AADACL2: variants seen among roughly 807,000 people sequenced by gnomAD.
The protein encoded by AADACL2 is arylacetamide deacetylase like 2.
Under a neutral mutation model 22.3 loss-of-function variants are expected in AADACL2, and 23 were observed. That is an observed-to-expected ratio of 1.03 (90% CI 0.74 to 1.46). AADACL2 has a LOEUF of 1.46. AADACL2 is among the 40% of genes most tolerant of loss of function. The pLI, the probability that AADACL2 is intolerant of heterozygous loss-of-function variation, is 0.00. For synonymous variants in AADACL2, 177 were observed against 166.2 expected, an observed-to-expected ratio of 1.07 and a Z score of -0.50; for missense variants, 472 against 482.9, an observed-to-expected ratio of 0.98 and a Z score of 0.21.
At position 151,740,695 on chromosome 3, in the gene AADACL2, C is replaced by T. The variant is rs1713250834; in HGVS notation, c.188C>T (p.Ser63Phe). ...ATTATGAGATATGAAGAGTTTATAT[C>T]CATGATATTCAGGCTGGATTATACC... is the stretch of plus-strand genomic sequence containing the variant. The part of the protein sequence containing the change: ...MRIMRYEEFI[S>F]MIFRLDYTQP... The change falls in exon 2 of 5, where the codon TCC becomes TTC. Residue 63 changes from serine to phenylalanine, a missense_variant. Around this residue, in one of 3 missense-constraint regions of AADACL2, gnomAD observed 356 missense variants for 365.5 expected, o/e 0.97. Coordinates refer to ENST00000356517, the MANE Select transcript of AADACL2 (RefSeq NM_207365.4). 8 of 1,613,674 alleles carry T rather than the reference C, an allele frequency of 5.0e-6. No homozygotes were observed. The highest frequency in any genetic ancestry group is 6.8e-6 in the Non-Finnish European group (8 of 1,179,806).
chr3:151,754,555 C>A (rs1330509080), intron 4 of AADACL2, among the ~76,000 whole-genome samples: 1 of 152,052 alleles, frequency 6.6e-6, no homozygotes. Flanking sequence ...CAAATGCATA[C>A]TATCCATTGT....
intron 1 of AADACL2, among the ~76,000 whole-genome samples, chr3:151,735,390 C>T (rs994379822): frequency 6.6e-6 from 1 of 152,178 alleles, no homozygotes; most frequent in East Asian, 1.9e-4. Context: ...GCATAAGATG[C>T]TGGTTTAAAT....
intron 4 of AADACL2, among the ~76,000 whole-genome samples, chr3:151,747,282 G>A (rs536100649): frequency 1.6e-4 from 25 of 151,952 alleles, no homozygotes; most frequent in African/African-American, 5.3e-4. Flanking sequence ...AGCAAATTTC[G>A]AGTACGCAGT....
chr3:151,736,809 G>A (rs1268971804), intron 1 of AADACL2, among the ~76,000 whole-genome samples: 4 of 152,146 alleles, frequency 2.6e-5, no homozygotes, highest in Admixed American at 2.6e-4. Flanking sequence ...CATTACAGTA[G>A]AAATATTCAT....
intron 1 of AADACL2, among the ~76,000 whole-genome samples, chr3:151,739,433 A>G (rs954596574): frequency 1.3e-5 from 2 of 151,954 alleles, no homozygotes; most frequent in Non-Finnish European, 2.9e-5. Flanking sequence ...GTGTCTGTTG[A>G]CCCTTGCTGG....
At chr3:151,743,163 T>G (rs1350448784) in intron 2 of AADACL2, among the ~76,000 whole-genome samples, 5 of 151,990 alleles carry the variant, frequency 3.3e-5, no homozygotes, top group African/African-American at 1.2e-4. Context: ...AATAAAACAT[T>G]ATTTTTTTCT....
chr3:151,746,941 T>C (rs1355094000), intron 4 of AADACL2, among the ~76,000 whole-genome samples: 1 of 151,322 alleles, frequency 6.6e-6, no homozygotes, highest in Non-Finnish European at 1.5e-5. Context: ...TTTTGCTCCA[T>C]CACCCAAGCT....
In AADACL2 at chr3:151,746,358, T is replaced by G. The variant is rs563500069; in HGVS notation, c.603+678T>G. Among the ~76,000 whole-genome samples the G allele has an allele frequency of 8.2e-3, 914 of 111,258 alleles. 10 individuals carry two copies. The highest frequency in any genetic ancestry group is 0.027 in the African/African-American group (881 of 32,582). The allele number at this position is 111,258 out of a possible 152,430, so 73.0% of individuals were successfully genotyped here. A position where few individuals can be genotyped will look rare whatever the true frequency, so the allele number is the denominator to read the frequency against. Reference sequence around the variant, plus strand: ...CACTTATAACGCTAGTGTTCTGTGTTTTTTTTGTTTTTTTTTTTTTTAGTT... The same window carrying G: ...CACTTATAACGCTAGTGTTCTGTGTGTTTTTTGTTTTTTTTTTTTTTAGTT... On this transcript the variant is annotated intron_variant, in intron 4 of 4. Transcript: ENST00000356517.
intron 3 of AADACL2, among the ~76,000 whole-genome samples, chr3:151,744,764 C>G (rs983722857): frequency 2.6e-5 from 4 of 151,892 alleles, no homozygotes; most frequent in Non-Finnish European, 4.4e-5. Flanking sequence ...TTCTAAGAAC[C>G]CTATTACCAA....
At chr3:151,750,949 GCCTCCCTTCAA>G (rs986041186) in intron 4 of AADACL2, among the ~76,000 whole-genome samples, 9 of 152,154 alleles carry the variant, frequency 5.9e-5, no homozygotes, top group East Asian at 1.9e-4. Context: ...CTATACCTGG[GCCTCCCTTCAA>G]CCCAACCTGT....
In AADACL2 at chr3:151,740,886, G is replaced by A. The variant is rs1036902535; in HGVS notation, c.361+18G>A. On this transcript the variant is annotated intron_variant, in intron 2 of 4. Transcript: ENST00000356517. ...AAGTTCCAGTAAGTTCATTGTATAA[G>A]GAAAAAGTGTAGCTAGCTCTACATT... The A allele has an allele frequency of 6.2e-7, 1 of 1,606,190 alleles. No individual in the cohort carries two copies. The highest frequency in any genetic ancestry group is 8.5e-7 in the Non-Finnish European group (1 of 1,174,132).
At chr3:151,746,879 C>G (rs1023999846) in intron 4 of AADACL2, among the ~76,000 whole-genome samples, 1 of 148,508 alleles carries the variant, frequency 6.7e-6, no homozygotes, top group Non-Finnish European at 1.5e-5. Flanking sequence ...TGAGATTAAT[C>G]TTTAATTTTT....
At chr3:151,749,835 GT>G (rs368479245) in intron 4 of AADACL2, among the ~76,000 whole-genome samples, 175 of 151,986 alleles carry the variant, frequency 1.2e-3, no homozygotes, top group African/African-American at 4.1e-3. Context: ...GTTTTTGTTT[GT>G]TTTTTTGTTT....
In AADACL2 at chr3:151,740,816, A is replaced by G; in HGVS notation, c.309A>G (p.Arg103=). ...TGCCAAAAAGAAAGTCAGAAACCCG[A>G]AGGCGAGCTGTGATATATTTTCATG... ...LYLPKRKSET[R]RRAVIYFHGG... Residue 103 remains arginine (R), a synonymous_variant, in exon 2 of 5, where the codon CGA becomes CGG. Coordinates refer to ENST00000356517, the MANE Select transcript of AADACL2 (RefSeq NM_207365.4). 1 of 1,614,034 alleles carries G rather than the reference A, an allele frequency of 6.2e-7. No individual in the cohort carries two copies. Among genetic ancestry groups the G allele is most frequent in the South Asian group, 1.1e-5 (1 of 91,074 alleles).
At chr3:151,742,639 T>C (rs1713317484) in intron 2 of AADACL2, among the ~76,000 whole-genome samples, 1 of 152,146 alleles carries the variant, frequency 6.6e-6, no homozygotes. Context: ...GTGTCCATAA[T>C]GAGTGAGAAA....
At chr3:151,743,001 T>A (rs887207495) in intron 2 of AADACL2, among the ~76,000 whole-genome samples, 1 of 147,528 alleles carries the variant, frequency 6.8e-6, no homozygotes, top group African/African-American at 2.5e-5. Flanking sequence ...AATCTGCAGA[T>A]TTTTTTTTTA....
intron 1 of AADACL2, among the ~76,000 whole-genome samples, chr3:151,738,667 T>C (rs1560280988): frequency 1.3e-5 from 2 of 152,218 alleles, no homozygotes; most frequent in African/African-American, 4.8e-5. Flanking sequence ...CATAGTTCCA[T>C]ATTTCTTGGA....
At chr3:151,745,725 CA>C in intron 4 of AADACL2, 45 bp downstream of exon 4, 6 of 1,526,998 alleles carry the variant, frequency 3.9e-6, no homozygotes, top group Non-Finnish European at 3.5e-6. Flanking sequence ...AATTGAGGCT[CA>C]TTTTTTTTCT....
Position 151,734,048 on chromosome 3 carries a change from GCT to G in AADACL2, c.18_19del (p.Cys7PhefsTer21). MGLK[A>X]LCLGLLCVLF... The stretch of plus-strand genomic sequence containing the variant: ...AAAAAGGGATATTATGGGGCTAAAA[GCT>G]CTCTGTTTGGGGCTGCTTTGTGTTC... On this transcript the variant is annotated frameshift_variant, in exon 1 of 5. Transcript: ENST00000356517. LOFTEE classifies it high-confidence loss of function. 1 of 1,611,386 alleles carries G rather than the reference GCT, an allele frequency of 6.2e-7. No homozygotes were observed. The highest frequency in any genetic ancestry group is 1.7e-4 in the Middle Eastern group (1 of 6,052).
Sources: gnomAD v4.1 joint callset for allele counts (sites outside exome capture counted in the v4.1 genomes callset) on GRCh38, gnomAD v4.1.1 for gene constraint, gnomAD v4.1.1 regional missense constraint, MANE v1.5 for transcripts, NCBI Gene and HGNC (gene_info 2026-07-23, HGNC 2026-07-21) for gene names.